GNB4: variants seen among roughly 807,000 people sequenced by gnomAD.
GNB4 encodes the protein G protein subunit beta 4.
A neutral mutation model predicts 45.2 loss-of-function variants in GNB4; 28 were observed. The observed-to-expected ratio is 0.62, with a 90% CI of 0.46 to 0.85. The LOEUF (loss-of-function observed/expected upper bound fraction) is 0.85, where lower values mean the gene tolerates loss of function less well. GNB4 is among the 40% of genes least tolerant of loss of function. The pLI, the probability that GNB4 is intolerant of heterozygous loss-of-function variation, is 0.00. For synonymous variants in GNB4, 132 were observed against 143.7 expected (o/e 0.92, Z 0.58); for missense variants, 321 against 425.4 (o/e 0.75, Z 2.16).
chr3:179,405,394 C>A lies in GNB4; in HGVS notation c.712G>T (p.Gly238Ter), dbSNP rs1464243838. The change falls in exon 9 of 10, where the codon GGA (glycine) becomes TGA (stop). Residue 238 changes from glycine (G) to a stop codon, truncating the protein, a stop_gained. Coordinates refer to ENST00000232564, the MANE Select transcript of GNB4 (RefSeq NM_021629.4). LOFTEE classifies it high-confidence loss of function. ...DINAVSFFPN[G>*]YAFATGSDDA... Reference sequence around the variant, plus strand: ...TCAGAGCCAGTGGCGAAGGCATATCCATTTGGGAAAAACTAGACAGGAAAG... The same window carrying A: ...TCAGAGCCAGTGGCGAAGGCATATCAATTTGGGAAAAACTAGACAGGAAAG... 6.2e-7 allele frequency: 1 copy of A among 1,609,704 alleles called. No individual in the cohort carries two copies. The highest frequency in any genetic ancestry group is 1.7e-5 in the Admixed American group (1 of 59,598).
the GNB4 span, among the ~76,000 whole-genome samples, chr3:179,488,887 C>T: frequency 1.7e-4 from 25 of 146,956 alleles, no homozygotes; most frequent in East Asian, 1.8e-3. Flanking sequence ...GGGCGACTGA[C>T]GCAGGAGGAT....
the GNB4 span, among the ~76,000 whole-genome samples, chr3:179,522,630 A>G: frequency 1.3e-5 from 2 of 152,190 alleles, no homozygotes; most frequent in African/African-American, 2.4e-5. Context: ...GGAAGATACT[A>G]TAGCATAGCC....
chr3:179,420,149 G>A (rs79821937), intron 3 of GNB4, among the ~76,000 whole-genome samples: 3 of 142,678 alleles, frequency 2.1e-5, no homozygotes, highest in Non-Finnish European at 4.6e-5. Flanking sequence ...TTTTTTTTTC[G>A]AGACAGAGTC....
intron 4 of GNB4, 43 bp downstream of exon 4, chr3:179,419,356 T>C: frequency 8.8e-7 from 1 of 1,140,412 alleles, no homozygotes; most frequent in South Asian, 1.2e-5. Flanking sequence ...ATGAAAATAA[T>C]TCTGCAACAG....
At chr3:179,414,847 G>A in intron 6 of GNB4, 38 bp downstream of exon 6, 1 of 1,499,460 alleles carries the variant, frequency 6.7e-7, no homozygotes, top group East Asian at 2.3e-5. Flanking sequence ...TCCACACAAG[G>A]AATCGTGTGG....
the GNB4 span, among the ~76,000 whole-genome samples, chr3:179,522,191 T>G: frequency 1.6e-4 from 24 of 152,264 alleles, no homozygotes; most frequent in Non-Finnish European, 2.6e-4. Context: ...CAAAAGAAGT[T>G]AAAATGGCCT....
At chr3:179,450,057 AG>A (rs1379193782) in intron 1 of GNB4, among the ~76,000 whole-genome samples, 1 of 152,250 alleles carries the variant, frequency 6.6e-6, no homozygotes, top group African/African-American at 2.4e-5. Context: ...TGTATCAATC[AG>A]TTTTATAAAT....
chr3:179,516,619 G>C, the GNB4 span, among the ~76,000 whole-genome samples: 1 of 152,290 alleles, frequency 6.6e-6, no homozygotes, highest in East Asian at 1.9e-4. Context: ...AAGGAAATGA[G>C]AGGTTTTAAG....
At chr3:179,468,506 A>C in the GNB4 span, among the ~76,000 whole-genome samples, 6 of 150,464 alleles carry the variant, frequency 4.0e-5, no homozygotes, top group African/African-American at 7.3e-5. Context: ...AAGAAAAAAA[A>C]AAAACAAAAA....
the GNB4 span, among the ~76,000 whole-genome samples, chr3:179,506,126 T>C: frequency 6.6e-6 from 1 of 152,210 alleles, no homozygotes; most frequent in Non-Finnish European, 1.5e-5. Context: ...GAGGATCGCT[T>C]GAGCTTAGGC....
chr3:179,515,027 C>G, the GNB4 span, among the ~76,000 whole-genome samples: 1 of 152,128 alleles, frequency 6.6e-6, no homozygotes, highest in South Asian at 2.1e-4. Context: ...TGTGTTTTAT[C>G]ATCATTTAAT....
chr3:179,499,625 T>C, the GNB4 span, among the ~76,000 whole-genome samples: 1 of 152,234 alleles, frequency 6.6e-6, no homozygotes, highest in South Asian at 2.1e-4. Context: ...GATTGCTGGG[T>C]CAAATGGTAT....
intron 1 of GNB4, among the ~76,000 whole-genome samples, chr3:179,440,880 T>TAGAGAG (rs141411562): frequency 0.027 from 4,042 of 149,100 alleles, 154 homozygotes; most frequent in African/African-American, 0.088. Context: ...TATAGATAGA[T>TAGAGAG]AGAGAGAGAG....
intron 1 of GNB4, among the ~76,000 whole-genome samples, chr3:179,428,890 G>A (rs1041197025): frequency 1.8e-4 from 28 of 152,174 alleles, no homozygotes; most frequent in African/African-American, 6.8e-4. Flanking sequence ...CCTGTAATAA[G>A]AGTTACTTGG....
chr3:179,413,311 C>T, intron 8 of GNB4, 101 bp downstream of exon 8: 1 of 878,900 alleles, frequency 1.1e-6, no homozygotes, highest in Non-Finnish European at 1.9e-6. Context: ...GAGCACATTA[C>T]TTGTAAGAAT....
Position 179,418,024 on chromosome 3 carries a change from T to C in GNB4, c.203+1375A>G, listed in dbSNP as rs142693949. 2.1e-3 allele frequency among the ~76,000 whole-genome samples: 320 copies of C among 152,282 alleles called. 1 individual carries two copies. The highest frequency in any genetic ancestry group is 7.4e-3 in the African/African-American group (306 of 41,564). On this transcript the variant is annotated intron_variant, in intron 4 of 9. Transcript: ENST00000232564. ...TGTGAGATAGGTTCCTGGATGATGG[T>C]TTCATTTTTCTATGAAGATTAACAG... is the stretch of plus-strand genomic sequence containing the variant.
At position 179,396,756 on chromosome 3, in the gene GNB4, T is replaced by C. The variant is rs938089416; in HGVS notation, c.*4457A>G. 1 of 152,224 alleles carries C rather than the reference T, an allele frequency of 6.6e-6. No homozygotes were observed. The highest frequency in any genetic ancestry group is 6.5e-5 in the Admixed American group (1 of 15,282). 9.4% of individuals were successfully genotyped at this position (152,224 alleles called of 1,614,324 possible). A position where few individuals can be genotyped will look rare whatever the true frequency, so the allele number is the denominator to read the frequency against. On this transcript the variant is annotated 3_prime_UTR_variant, in exon 10 of 10. Transcript: ENST00000232564. ...ATCAATGTGTGATTAATTAATAAGT[T>C]ACTTTTTAAAATAAAGTGCTAGCTT... is the stretch of plus-strand genomic sequence containing the variant.
At chr3:179,491,794 C>A in the GNB4 span, among the ~76,000 whole-genome samples, 1 of 152,110 alleles carries the variant, frequency 6.6e-6, no homozygotes, top group Non-Finnish European at 1.5e-5. Context: ...TATTATTGGG[C>A]AGAAATTGGT....
chr3:179,523,644 A>G, the GNB4 span, among the ~76,000 whole-genome samples: 1 of 152,154 alleles, frequency 6.6e-6, no homozygotes, highest in Non-Finnish European at 1.5e-5. Context: ...ATGAGTTTTA[A>G]TCCTTGTAAA....
Sources: allele counts gnomAD v4.1 joint callset (sites outside exome capture counted in the v4.1 genomes callset), GRCh38; gene constraint gnomAD v4.1.1; transcripts MANE v1.5; gene names NCBI Gene and HGNC (gene_info 2026-07-23, HGNC 2026-07-21).